CDH4: variants seen among roughly 807,000 people sequenced by gnomAD.
CDH4 encodes the protein cadherin-4.
A neutral mutation model predicts 86.0 loss-of-function variants in CDH4; 33 were observed. That is an observed-to-expected ratio of 0.38 (90% CI 0.29 to 0.51). The LOEUF is 0.51. CDH4 is among the 20% of genes least tolerant of loss of function. The pLI is 0.86. For synonymous variants in CDH4, 555 were observed against 549.4 expected (o/e 1.01, Z -0.14); for missense variants, 1,114 against 1,307.4 (o/e 0.85, Z 2.28).
chr20:61,616,650 A>C (rs2086727378), intron 2 of CDH4, among the ~76,000 whole-genome samples: 1 of 152,164 alleles, frequency 6.6e-6, no homozygotes, highest in Non-Finnish European at 1.5e-5. Flanking sequence ...CCTCCCTGGA[A>C]GTTTTCTTTC....
intron 2 of CDH4, among the ~76,000 whole-genome samples, chr20:61,595,211 G>C (rs371589339): frequency 6.6e-6 from 1 of 152,220 alleles, no homozygotes; most frequent in Non-Finnish European, 1.5e-5. Flanking sequence ...TGCTGCCAAT[G>C]TCTGGGTATG....
chr20:61,569,494 A>G (rs991065613), intron 2 of CDH4, among the ~76,000 whole-genome samples: 5 of 152,078 alleles, frequency 3.3e-5, no homozygotes, highest in African/African-American at 4.8e-5. Context: ...AATACACACA[A>G]TATTTTCCCT....
In CDH4 at chr20:61,773,065, G is replaced by A; in HGVS notation, c.459G>A (p.Leu153=). 1 of 1,613,800 alleles carries A rather than the reference G, an allele frequency of 6.2e-7. No individual in the cohort carries two copies. Among genetic ancestry groups the A allele is most frequent in the South Asian group, 1.1e-5 (1 of 91,032 alleles). ...CTCCGCCTCCGAAGGACACCCTGCT[G>A]CCGTGGCCCCAGCACCAGAACGCCA... ...DPSPPPKDTL[L]PWPQHQNANG... The change falls in exon 4 of 16, where the codon CTG becomes CTA. Residue 153 remains leucine (L), a synonymous_variant. Coordinates refer to ENST00000614565, the MANE Select transcript of CDH4 (RefSeq NM_001794.5).
chr20:61,253,164 A>G (rs2084074414), intron 1 of CDH4, among the ~76,000 whole-genome samples: 1 of 150,346 alleles, frequency 6.7e-6, no homozygotes, highest in Non-Finnish European at 1.5e-5. Flanking sequence ...GGGCACTCTC[A>G]CCCCCGAGCC....
At chr20:61,483,051 C>T (rs145405675) in intron 2 of CDH4, among the ~76,000 whole-genome samples, 313 of 152,300 alleles carry the variant, frequency 2.1e-3, no homozygotes, top group African/African-American at 6.8e-3. Flanking sequence ...CAGGATGGTC[C>T]GAAACCTTCA....
chr20:61,458,497 T>TC, intron 2 of CDH4, among the ~76,000 whole-genome samples: 1 of 148,802 alleles, frequency 6.7e-6, no homozygotes, highest in African/African-American at 2.5e-5. Flanking sequence ...GTGCTGATGG[T>TC]ATGGTGATGG....
At chr20:61,716,871 GT>G (rs2087961710) in intron 2 of CDH4, among the ~76,000 whole-genome samples, 1 of 152,162 alleles carries the variant, frequency 6.6e-6, no homozygotes, top group East Asian at 1.9e-4. Flanking sequence ...TCCCACCACT[GT>G]ACTCGAGCCT....
At chr20:61,411,487 G>T (rs2252273) in intron 2 of CDH4, among the ~76,000 whole-genome samples, 2 of 151,280 alleles carry the variant, frequency 1.3e-5, no homozygotes, top group South Asian at 2.1e-4. Context: ...TTTTCAAATG[G>T]GCAGCCTTCC....
chr20:61,328,819 A>T (rs1267975749), intron 2 of CDH4, among the ~76,000 whole-genome samples: 3 of 152,188 alleles, frequency 2.0e-5, no homozygotes, highest in South Asian at 2.1e-4. Context: ...AATAAATAAA[A>T]AATAGTTTGC....
chr20:61,644,946 A>G (rs1471487618), intron 2 of CDH4, among the ~76,000 whole-genome samples: 1 of 151,910 alleles, frequency 6.6e-6, no homozygotes, highest in African/African-American at 2.4e-5. Flanking sequence ...CCGTCAGCCG[A>G]CTCCAGACCA....
chr20:61,678,729 G>A (rs374630975), intron 2 of CDH4, among the ~76,000 whole-genome samples: 41 of 152,340 alleles, frequency 2.7e-4, no homozygotes, highest in African/African-American at 9.1e-4. Flanking sequence ...CAGCTCTGGG[G>A]CTCCAGCTGC....
chr20:61,823,539 T>A (rs1359608866), intron 4 of CDH4, among the ~76,000 whole-genome samples: 1 of 152,092 alleles, frequency 6.6e-6, no homozygotes, highest in African/African-American at 2.4e-5. Context: ...ATGCAGTAGG[T>A]GTCATACCCA....
intron 2 of CDH4, among the ~76,000 whole-genome samples, chr20:61,329,550 G>A (rs1453695563): frequency 1.3e-5 from 2 of 151,592 alleles, no homozygotes; most frequent in Admixed American, 6.6e-5. Flanking sequence ...TCTCTCTCCT[G>A]CTTTGTACTT....
intron 2 of CDH4, among the ~76,000 whole-genome samples, chr20:61,389,063 C>G (rs1226459735): frequency 6.6e-6 from 1 of 152,216 alleles, no homozygotes; most frequent in East Asian, 1.9e-4. Flanking sequence ...CTAAACTGAT[C>G]AAGGTTTTTT....
At chr20:61,433,220 T>C (rs532343192) in intron 2 of CDH4, among the ~76,000 whole-genome samples, 37 of 152,242 alleles carry the variant, frequency 2.4e-4, no homozygotes, top group African/African-American at 8.7e-4. Context: ...TTCCGTATGG[T>C]TATCCAATTG....
intron 2 of CDH4, among the ~76,000 whole-genome samples, chr20:61,617,396 G>C (rs2086733928): frequency 6.6e-6 from 1 of 152,200 alleles, no homozygotes; most frequent in African/African-American, 2.4e-5. Flanking sequence ...GGAGAGGAGA[G>C]CTCTATTTCT....
At chr20:61,620,956 T>C (rs1173936813) in intron 2 of CDH4, among the ~76,000 whole-genome samples, 1 of 152,228 alleles carries the variant, frequency 6.6e-6, no homozygotes, top group Non-Finnish European at 1.5e-5. Flanking sequence ...CTTTCCTGGG[T>C]CTCTGGTTCA....
At chr20:61,878,215 A>G (rs766201211) in intron 7 of CDH4, among the ~76,000 whole-genome samples, 9 of 152,192 alleles carry the variant, frequency 5.9e-5, no homozygotes, top group South Asian at 2.1e-4. Flanking sequence ...GACCCCTCCC[A>G]CCTTCTGTTC....
intron 2 of CDH4, among the ~76,000 whole-genome samples, chr20:61,450,188 T>C (rs2085372255): frequency 1.3e-5 from 2 of 152,224 alleles, no homozygotes; most frequent in African/African-American, 2.4e-5. Flanking sequence ...CCAAGTCTGG[T>C]TCAGGGCTGT....
Sources: allele counts gnomAD v4.1 joint callset (sites outside exome capture counted in the v4.1 genomes callset), GRCh38; gene constraint gnomAD v4.1.1; transcripts MANE v1.5; gene names NCBI Gene and HGNC (gene_info 2026-07-23, HGNC 2026-07-21).